The following PSEN1 variants were observed in gnomAD, a reference collection of about 807,000 sequenced individuals.
The protein encoded by PSEN1 is presenilin-1.
In PSEN1, 15 loss-of-function variants were observed where a neutral mutation model predicts 53.5. The ratio of observed to expected loss-of-function variants is 0.28; its 90% CI spans 0.19 to 0.43. PSEN1 has a LOEUF of 0.43. Ranked by LOEUF, PSEN1 falls within the 20% of genes least tolerant of loss-of-function variation. The pLI, the probability that PSEN1 is intolerant of heterozygous loss-of-function variation, is 1.00. For missense variants in PSEN1, 387 were observed against 571.2 expected, an observed-to-expected ratio of 0.68 and a Z score of 3.29; for synonymous variants, 208 against 209.8, an observed-to-expected ratio of 0.99 and a Z score of 0.08.
intron 5 of PSEN1, among the ~76,000 whole-genome samples, chr14:73,175,190 G>A (rs532750138): frequency 2.6e-5 from 4 of 152,052 alleles, no homozygotes; most frequent in Admixed American, 6.6e-5. Flanking sequence ...GTGACAGCGC[G>A]ATCTTGGCTC....
chr14:73,205,800 T>C (rs1899431371), intron 8 of PSEN1, among the ~76,000 whole-genome samples: 1 of 152,232 alleles, frequency 6.6e-6, no homozygotes, highest in Non-Finnish European at 1.5e-5. Flanking sequence ...GAGATGCACA[T>C]GTGTATATCT....
chr14:73,147,648 C>T (rs942177236), intron 1 of PSEN1, 147 bp from the exon 2 acceptor site: 8 of 326,296 alleles, frequency 2.5e-5, no homozygotes, highest in East Asian at 1.6e-4. Flanking sequence ...CTACCTTGAG[C>T]TTATAGTAAA....
chr14:73,173,680 G>C lies in PSEN1; in HGVS notation c.453G>C (p.Val151=), dbSNP rs755634855. 6.2e-7 allele frequency: 1 copy of C among 1,614,074 alleles called. No homozygotes were observed. The highest frequency in any genetic ancestry group is 8.5e-7 in the Non-Finnish European group (1 of 1,179,974). The change falls in exon 5 of 12, where the codon GTG becomes GTC. Residue 151 remains valine, a synonymous_variant. Coordinates refer to ENST00000324501, the MANE Select transcript of PSEN1 (RefSeq NM_000021.4). ...SVIVVMTILL[V]VLYKYRCYKV... Reference sequence around the variant, plus strand: ...TTGTTGTCATGACTATCCTCCTGGTGGTTCTGTATAAATACAGGTGCTATA... The same window carrying C: ...TTGTTGTCATGACTATCCTCCTGGTCGTTCTGTATAAATACAGGTGCTATA...
chr14:73,192,440 C>G (rs771305231), intron 6 of PSEN1, among the ~76,000 whole-genome samples: 2 of 150,882 alleles, frequency 1.3e-5, no homozygotes, highest in Non-Finnish European at 2.9e-5. Context: ...GACCCTGGCT[C>G]AAAAACAAAA....
At position 73,157,508 on chromosome 14, in the gene PSEN1, A is replaced by G. The variant is rs981777448; in HGVS notation, c.87+9402A>G. Among the ~76,000 whole-genome samples, 5 of 152,290 alleles carry G rather than the reference A, an allele frequency of 3.3e-5. No individual in the cohort carries two copies. The East Asian group carries it at 9.6e-4, about 29-fold the overall frequency. On this transcript the variant is annotated intron_variant, in intron 3 of 11. Transcript: ENST00000324501. Reference sequence around the variant, plus strand: ...GACGTAAAATGTACATACTTAAAGTATACAGTGTGATGTTTTGATATATAT... The same window carrying G: ...GACGTAAAATGTACATACTTAAAGTGTACAGTGTGATGTTTTGATATATAT...
intron 8 of PSEN1, 192 bp from the exon 9 acceptor site, chr14:73,206,194 C>T: frequency 3.3e-6 from 2 of 606,778 alleles, no homozygotes; most frequent in Non-Finnish European, 3.0e-6. Flanking sequence ...AGTAAACATT[C>T]AGTTTCAGAA....
intron 5 of PSEN1, among the ~76,000 whole-genome samples, chr14:73,177,563 A>G (rs920154486): frequency 2.6e-5 from 4 of 152,204 alleles, no homozygotes; most frequent in Non-Finnish European, 5.9e-5. Flanking sequence ...AGAGCAAGGC[A>G]GCTGGCCTCA....
At chr14:73,181,089 G>A (rs566047498) in intron 5 of PSEN1, among the ~76,000 whole-genome samples, 1 of 152,238 alleles carries the variant, frequency 6.6e-6, no homozygotes, top group South Asian at 2.1e-4. Flanking sequence ...CATGCATAAG[G>A]CAAAGGTTCA....
chr14:73,194,443 C>T (rs1898853108), intron 7 of PSEN1, among the ~76,000 whole-genome samples: 1 of 151,806 alleles, frequency 6.6e-6, no homozygotes, highest in Non-Finnish European at 1.5e-5. Context: ...AATTTTTTTT[C>T]AGAGATGAGA....
At chr14:73,151,359 G>A (rs1485298953) in intron 3 of PSEN1, among the ~76,000 whole-genome samples, 1 of 152,132 alleles carries the variant, frequency 6.6e-6, no homozygotes, top group Middle Eastern at 3.2e-3. Flanking sequence ...AAAGATAGTT[G>A]CTGTGATTGG....
intron 3 of PSEN1, among the ~76,000 whole-genome samples, chr14:73,161,382 T>C (rs573862587): frequency 5.3e-5 from 8 of 152,342 alleles, no homozygotes; most frequent in African/African-American, 1.7e-4. Context: ...ATTTTTGTTT[T>C]TGTTCTTTAA....
chr14:73,205,189 T>C (rs1899400369), intron 8 of PSEN1, among the ~76,000 whole-genome samples: 1 of 151,994 alleles, frequency 6.6e-6, no homozygotes, highest in South Asian at 2.1e-4. Flanking sequence ...AAAATTACTG[T>C]GACCAGGCCG....
At chr14:73,170,712 G>C in intron 3 of PSEN1, 85 bp from the exon 4 acceptor site, 1 of 1,409,244 alleles carries the variant, frequency 7.1e-7, no homozygotes, top group Admixed American at 1.8e-5. Context: ...CATAGTGACG[G>C]GTCTGTTGTT....
At chr14:73,187,941 CT>C (rs201187760) in intron 6 of PSEN1, among the ~76,000 whole-genome samples, 30 of 147,650 alleles carry the variant, frequency 2.0e-4, no homozygotes, top group Admixed American at 4.7e-4. Context: ...AAGAATAATA[CT>C]TTTTTTTTTT....
chr14:73,184,044 AGGCGGGGGGCTGAT>A, intron 5 of PSEN1, among the ~76,000 whole-genome samples: 1 of 104,948 alleles, frequency 9.5e-6, no homozygotes, highest in Admixed American at 9.0e-5. Flanking sequence ...GCGGCTGGCC[AGGCGGGGGGCTGAT>A]CCCCCCACCT....
intron 6 of PSEN1, among the ~76,000 whole-genome samples, chr14:73,187,967 T>C (rs1300386964): frequency 6.6e-6 from 1 of 152,106 alleles, no homozygotes. Flanking sequence ...CTCACGCTGT[T>C]GCCCAGGCTG....
chr14:73,204,351 G>A (rs1187696623), intron 8 of PSEN1, among the ~76,000 whole-genome samples: 3 of 150,696 alleles, frequency 2.0e-5, no homozygotes, highest in Admixed American at 6.6e-5. Flanking sequence ...GTTGATGTAA[G>A]GTGTTTGTGT....
At chr14:73,208,823 G>A in intron 9 of PSEN1, 1 of 454,710 alleles carries the variant, frequency 2.2e-6, no homozygotes, top group South Asian at 1.6e-5. Context: ...TTTCCGCCTA[G>A]GAGCCTGTCT....
intron 6 of PSEN1, 135 bp from the exon 7 acceptor site, chr14:73,192,509 A>G (rs1044171869): frequency 2.9e-6 from 2 of 701,076 alleles, no homozygotes; most frequent in Non-Finnish European, 5.1e-6. Flanking sequence ...ATAATAGCAC[A>G]GTTGATATAG....
Sources: allele counts gnomAD v4.1 joint callset (sites outside exome capture counted in the v4.1 genomes callset), GRCh38; gene constraint gnomAD v4.1.1; transcripts MANE v1.5; gene names NCBI Gene and HGNC (gene_info 2026-07-23, HGNC 2026-07-21).